Variants in NGEF observed in about 807,000 individuals in gnomAD.
NGEF encodes the protein neuronal guanine nucleotide exchange factor.
Under a neutral mutation model 80.9 loss-of-function variants are expected in NGEF, and 31 were observed. That is an observed-to-expected ratio of 0.38 (90% confidence interval 0.29 to 0.52). The LOEUF is 0.52. Ranked by LOEUF, NGEF falls within the 20% of genes least tolerant of loss-of-function variation. NGEF has a pLI of 0.84. For synonymous variants in NGEF, 371 were observed against 370.2 expected (o/e 1.00, Z -0.03); for missense variants, 709 against 926.2 (o/e 0.77, Z 3.04).
Position 232,927,830 on chromosome 2 carries a change from G to T in NGEF, c.384-644C>A, listed in dbSNP as rs1411170238. The T allele has an allele frequency of 6.3e-6, 7 of 1,114,148 alleles. No homozygotes were observed. The African/African-American group carries it at 6.6e-5, about 10-fold the overall frequency. The allele number at this position is 1,114,148 out of a possible 1,614,324, so 69.0% of individuals were successfully genotyped here. A position where few individuals can be genotyped will look rare whatever the true frequency, so the allele number is the denominator to read the frequency against. ...GCAGGGGGTGCCCGGGACCCCGGGC[G>T]CAAGCTGGGAAAGAGGCACGCGGGG... On this transcript the variant is annotated intron_variant, in intron 3 of 14. Coordinates refer to ENST00000264051, the MANE Select transcript of NGEF (RefSeq NM_019850.3).
At chr2:232,952,951 A>C (rs914210131) in intron 3 of NGEF, among the ~76,000 whole-genome samples, 3 of 121,646 alleles carry the variant, frequency 2.5e-5, no homozygotes, top group African/African-American at 9.5e-5. Flanking sequence ...AAGAGTGCAG[A>C]CAAGAGTGAG....
At chr2:232,983,309 C>A (rs1382648190) in intron 1 of NGEF, among the ~76,000 whole-genome samples, 1 of 151,796 alleles carries the variant, frequency 6.6e-6, no homozygotes, top group Non-Finnish European at 1.5e-5. Context: ...CACTTGGGGG[C>A]GTCGGCTTCG....
At chr2:232,964,912 C>T (rs1559226986) in intron 3 of NGEF, among the ~76,000 whole-genome samples, 2 of 152,148 alleles carry the variant, frequency 1.3e-5, no homozygotes, top group South Asian at 4.1e-4. Context: ...CTGAGGGGCC[C>T]TCTTGGGGCA....
chr2:232,979,617 A>G (rs1694368394), intron 1 of NGEF, among the ~76,000 whole-genome samples: 1 of 152,094 alleles, frequency 6.6e-6, no homozygotes, highest in South Asian at 2.1e-4. Flanking sequence ...ATTCCATGGT[A>G]ACTTCAGGGT....
chr2:232,892,400 TG>T lies in NGEF; in HGVS notation c.1142+497del, dbSNP rs1226533830. On this transcript the variant is annotated intron_variant, in intron 7 of 14. Coordinates refer to ENST00000264051, the MANE Select transcript of NGEF (RefSeq NM_019850.3). The surrounding 1 kb of genome is among the most constrained non-coding windows in gnomAD (Gnocchi z 4.0). The stretch of plus-strand genomic sequence containing the variant: ...CAGAATTCAGAAGAGGCACGCTGGC[TG>T]GAAAATTACCTTGTCAACTAAACCT... Among the ~76,000 whole-genome samples the T allele has an allele frequency of 6.6e-6, 1 of 152,166 alleles. No individual in the cohort carries two copies. Among genetic ancestry groups the T allele is most frequent in the African/African-American group, 2.4e-5 (1 of 41,440 alleles).
At chr2:232,897,554 C>T (rs1480209329) in intron 5 of NGEF, among the ~76,000 whole-genome samples, 1 of 152,060 alleles carries the variant, frequency 6.6e-6, no homozygotes, top group Non-Finnish European at 1.5e-5. Context: ...AAAGCTCTGC[C>T]CACCCACCCA....
intron 8 of NGEF, among the ~76,000 whole-genome samples, chr2:232,889,408 G>A (rs924102391): frequency 5.9e-5 from 9 of 152,134 alleles, no homozygotes; most frequent in South Asian, 2.1e-4. Flanking sequence ...TCCCTGACCC[G>A]CCACCCCTTT....
chr2:232,884,732 C>T (rs190230325), intron 10 of NGEF, among the ~76,000 whole-genome samples: 327 of 152,286 alleles, frequency 2.1e-3, no homozygotes, highest in African/African-American at 7.0e-3. Flanking sequence ...CTACATGGGA[C>T]GCCCAGAAGA....
intron 9 of NGEF, among the ~76,000 whole-genome samples, chr2:232,887,282 G>GT (rs1186970749): frequency 2.6e-5 from 4 of 152,216 alleles, no homozygotes; most frequent in Non-Finnish European, 4.4e-5. Flanking sequence ...AGAGCGCATG[G>GT]TAAGAGCTCC....
intron 4 of NGEF, 63 bp downstream of exon 4, chr2:232,926,981 C>A: frequency 6.3e-7 from 1 of 1,591,734 alleles, no homozygotes; most frequent in Non-Finnish European, 8.6e-7. Context: ...GCAGGAGGAC[C>A]CTCAGAGTCC....
At chr2:232,997,144 T>G (rs1347894867) in intron 1 of NGEF, among the ~76,000 whole-genome samples, 1 of 104,486 alleles carries the variant, frequency 9.6e-6, no homozygotes, top group African/African-American at 2.8e-5. Flanking sequence ...GGCACTGGCC[T>G]GGGGATCACC....
At chr2:232,953,558 C>G (rs1187825321) in intron 3 of NGEF, among the ~76,000 whole-genome samples, 1 of 150,690 alleles carries the variant, frequency 6.6e-6, no homozygotes, top group African/African-American at 2.4e-5. Flanking sequence ...CACTGATATA[C>G]ATTCCTTTAT....
chr2:232,888,886 T>C (rs1330730828), intron 8 of NGEF, among the ~76,000 whole-genome samples: 1 of 152,258 alleles, frequency 6.6e-6, no homozygotes, highest in Non-Finnish European at 1.5e-5. Flanking sequence ...TAAATTACGA[T>C]TTTGACATTG....
In NGEF at chr2:232,970,223, T is replaced by A; in HGVS notation, c.374A>T (p.Gln125Leu). ...RTAMQTDPGAQEMSESSSTPG... is the reference protein window; with the variant it reads ...RTAMQTDPGALEMSESSSTPG... The stretch of plus-strand genomic sequence containing the variant: ...ATCTGCCATCTCTTACCTCATTTCC[T>A]GGGCTCCTGGGTCTGTCTGCATTGC... The change falls in exon 3 of 15, where the codon CAG becomes CTG. Residue 125 changes from glutamine (Q) to leucine (L), a missense_variant. This residue lies in a region of NGEF where 283 missense variants were observed against 303.4 expected (regional missense o/e 0.93). Coordinates refer to ENST00000264051, the MANE Select transcript of NGEF (RefSeq NM_019850.3). 1 of 1,578,548 alleles carries A rather than the reference T, an allele frequency of 6.3e-7. No homozygotes were observed. Among genetic ancestry groups the A allele is most frequent in the Non-Finnish European group, 8.6e-7 (1 of 1,166,060 alleles).
intron 3 of NGEF, among the ~76,000 whole-genome samples, chr2:232,954,501 G>C (rs375246904): frequency 6.6e-6 from 1 of 152,024 alleles, no homozygotes; most frequent in Non-Finnish European, 1.5e-5. Flanking sequence ...TGAGGCAGGC[G>C]GATCGTGAAA....
chr2:232,898,526 C>T (rs1692168748), intron 5 of NGEF, among the ~76,000 whole-genome samples: 1 of 152,226 alleles, frequency 6.6e-6, no homozygotes, highest in Admixed American at 6.5e-5. Context: ...GGATGTTTGT[C>T]TTCATTTTGT....
chr2:232,918,907 G>A (rs1170004860), intron 5 of NGEF, among the ~76,000 whole-genome samples: 10 of 152,158 alleles, frequency 6.6e-5, no homozygotes, highest in Non-Finnish European at 1.3e-4. Context: ...GATTACAGGC[G>A]TGAGCCACCG....
In NGEF at chr2:232,879,528, G is replaced by A. The variant is rs1235532050; in HGVS notation, c.2094C>T (p.Asn698=). Residue 698 remains asparagine (N), a synonymous_variant, in exon 15 of 15, where the codon AAC becomes AAT. Transcript: ENST00000264051. ...HKMDDPQRSQ[N]KDRRKLGSRN... is the part of the protein sequence containing the mutation. Reference sequence around the variant, plus strand: ...GGCTGCCCAGCTTCCTGCGGTCCTTGTTCTGGCTGCGCTGAGGGTCATCCA... The same window carrying A: ...GGCTGCCCAGCTTCCTGCGGTCCTTATTCTGGCTGCGCTGAGGGTCATCCA... The A allele has an allele frequency of 6.2e-7, 1 of 1,613,226 alleles. No homozygotes were observed. The highest frequency in any genetic ancestry group is 1.3e-5 in the African/African-American group (1 of 74,846).
chr2:232,923,242 A>G (rs967184647), intron 4 of NGEF, among the ~76,000 whole-genome samples: 12 of 152,212 alleles, frequency 7.9e-5, no homozygotes, highest in African/African-American at 2.9e-4. Context: ...TGTGATACAT[A>G]TGCTGAAAAG....
Sources: gnomAD v4.1 joint callset for allele counts (sites outside exome capture counted in the v4.1 genomes callset) on GRCh38, gnomAD v4.1.1 for gene constraint, gnomAD v4.1.1 regional missense constraint, Gnocchi (gnomAD v3.1) non-coding constraint, MANE v1.5 for transcripts, NCBI Gene and HGNC (gene_info 2026-07-23, HGNC 2026-07-21) for gene names.